Variants in SNX29 observed in about 807,000 individuals in gnomAD.
The protein encoded by SNX29 is sorting nexin-29.
A neutral mutation model predicts 102.1 loss-of-function variants in SNX29; 78 were observed. The ratio of observed to expected loss-of-function variants is 0.76; its 90% CI spans 0.64 to 0.92. The LOEUF is 0.92. Ranked by LOEUF, SNX29 falls within the 40% of genes least tolerant of loss-of-function variation. SNX29 has a pLI of 0.00. For synonymous variants in SNX29, 580 were observed against 414.5 expected, an observed-to-expected ratio of 1.40 and a Z score of -4.85; for missense variants, 1,280 against 1,061.7, an observed-to-expected ratio of 1.21 and a Z score of -2.86.
chr16:12,563,629 T>G (rs939329370), intron 20 of SNX29, among the ~76,000 whole-genome samples: 1 of 152,070 alleles, frequency 6.6e-6, no homozygotes, highest in African/African-American at 2.4e-5. Flanking sequence ...GAGACTGTCC[T>G]GGCCCCAGAA....
intron 19 of SNX29, among the ~76,000 whole-genome samples, chr16:12,520,229 T>C (rs2090045713): frequency 6.6e-6 from 1 of 152,158 alleles, no homozygotes; most frequent in Non-Finnish European, 1.5e-5. Flanking sequence ...CACCTGCCCC[T>C]GCACCCAGGT....
At chr16:12,482,210 G>A (rs1246754986) in intron 19 of SNX29, among the ~76,000 whole-genome samples, 1 of 152,222 alleles carries the variant, frequency 6.6e-6, no homozygotes, top group Non-Finnish European at 1.5e-5. Flanking sequence ...CTGGACCATT[G>A]TGGCACACGT....
chr16:12,318,761 A>G (rs565822987), intron 15 of SNX29, among the ~76,000 whole-genome samples: 13 of 151,932 alleles, frequency 8.6e-5, no homozygotes, highest in African/African-American at 3.1e-4. Flanking sequence ...CTGCAGACCA[A>G]CTCAAAATTA....
intron 10 of SNX29, among the ~76,000 whole-genome samples, chr16:12,075,422 G>A (rs917198294): frequency 1.3e-5 from 2 of 152,194 alleles, no homozygotes; most frequent in African/African-American, 4.8e-5. Context: ...GTTTGCTAGA[G>A]GTCCACTCCA....
intron 16 of SNX29, among the ~76,000 whole-genome samples, chr16:12,386,545 A>G (rs915436767): frequency 1.3e-5 from 2 of 152,196 alleles, no homozygotes; most frequent in Non-Finnish European, 2.9e-5. Context: ...GCCAACCAGA[A>G]TACTGTCCCA....
In SNX29 at chr16:12,061,565, A is replaced by T; in HGVS notation, c.1162A>T (p.Ser388Cys). Residue 388 changes from serine to cysteine, a missense_variant, in exon 9 of 21, where the codon AGC (serine) becomes TGC (cysteine). By Grantham distance (112) the Ser-to-Cys change is moderately radical. Transcript: ENST00000566228. ...EGNTCLSQMH[S>C]WAPLKVLHND... ...GAACACCTGCCTCTCCCAGATGCAC[A>T]GCTGGGCTCCGCTGAAGGTGCTGCA... is the stretch of plus-strand genomic sequence containing the variant. 6.2e-7 allele frequency: 1 copy of T among 1,610,494 alleles called. No homozygotes were observed. The highest frequency in any genetic ancestry group is 8.5e-7 in the Non-Finnish European group (1 of 1,178,808).
At chr16:12,421,159 C>T (rs2084857616) in intron 18 of SNX29, among the ~76,000 whole-genome samples, 1 of 152,194 alleles carries the variant, frequency 6.6e-6, no homozygotes, top group Admixed American at 6.5e-5. Context: ...CTCTGATCCA[C>T]AATCTTTCGA....
chr16:12,537,368 C>T (rs534803504), intron 20 of SNX29, among the ~76,000 whole-genome samples: 1 of 152,230 alleles, frequency 6.6e-6, no homozygotes, highest in Admixed American at 6.5e-5. Context: ...CAACTTGGTG[C>T]ATGACAGAAA....
chr16:12,173,376 C>G (rs1284076703), intron 13 of SNX29, among the ~76,000 whole-genome samples: 1 of 152,180 alleles, frequency 6.6e-6, no homozygotes, highest in African/African-American at 2.4e-5. Context: ...GTGTGATCAG[C>G]TTTCACAAGC....
intron 15 of SNX29, among the ~76,000 whole-genome samples, chr16:12,315,866 G>A (rs1035104735): frequency 1.8e-4 from 28 of 152,216 alleles, no homozygotes; most frequent in African/African-American, 5.1e-4. Context: ...TGTCAATATT[G>A]TTATTAAATC....
chr16:12,189,575 G>T (rs1179858661), intron 13 of SNX29, among the ~76,000 whole-genome samples: 1 of 152,098 alleles, frequency 6.6e-6, no homozygotes, highest in Non-Finnish European at 1.5e-5. Flanking sequence ...TGTTAACTTT[G>T]ATCCTCTGAT....
chr16:12,294,294 T>C (rs1028778836), intron 15 of SNX29, among the ~76,000 whole-genome samples: 1 of 152,190 alleles, frequency 6.6e-6, no homozygotes, highest in Non-Finnish European at 1.5e-5. Context: ...AGGTGCCTGC[T>C]GTGATGGGGA....
intron 13 of SNX29, among the ~76,000 whole-genome samples, chr16:12,194,255 A>C (rs2076715506): frequency 6.6e-6 from 1 of 152,226 alleles, no homozygotes; most frequent in Non-Finnish European, 1.5e-5. Flanking sequence ...GTTATAAATG[A>C]TTCTTTTTAA....
At chr16:12,168,747 GTTA>G (rs1453965214) in intron 13 of SNX29, among the ~76,000 whole-genome samples, 1 of 152,232 alleles carries the variant, frequency 6.6e-6, no homozygotes, top group Non-Finnish European at 1.5e-5. Flanking sequence ...AACGTATTGA[GTTA>G]TTATTAGATC....
At chr16:12,541,344 C>T (rs916679898) in intron 20 of SNX29, among the ~76,000 whole-genome samples, 1 of 152,038 alleles carries the variant, frequency 6.6e-6, no homozygotes, top group Non-Finnish European at 1.5e-5. Flanking sequence ...GAATTACCTT[C>T]TTCATTCTTC....
chr16:12,289,224 C>G (rs1448712513), intron 15 of SNX29, among the ~76,000 whole-genome samples: 1 of 152,188 alleles, frequency 6.6e-6, no homozygotes, highest in African/African-American at 2.4e-5. Flanking sequence ...CCCATCTGTT[C>G]CTGTGTGCTG....
At chr16:12,538,054 G>GATCTTGGTGACAGCTTTCTTCTC (rs1211467671) in intron 20 of SNX29, among the ~76,000 whole-genome samples, 1 of 151,334 alleles carries the variant, frequency 6.6e-6, no homozygotes, top group East Asian at 1.9e-4. Context: ...AAGTATAATC[G>GATCTTGGTGACAGCTTTCTTCTC]ATCTTGGTGA....
intron 15 of SNX29, among the ~76,000 whole-genome samples, chr16:12,293,429 G>C (rs1257531719): frequency 6.6e-6 from 1 of 152,210 alleles, no homozygotes; most frequent in South Asian, 2.1e-4. Context: ...TGTTCAGACA[G>C]TGTGTTTGTT....
intron 20 of SNX29, among the ~76,000 whole-genome samples, chr16:12,564,345 GGAT>G (rs2078899572): frequency 6.6e-6 from 1 of 152,164 alleles, no homozygotes; most frequent in African/African-American, 2.4e-5. Context: ...AGTCATTTCA[GGAT>G]GTCAAAGGAG....
Sources: allele counts gnomAD v4.1 joint callset (sites outside exome capture counted in the v4.1 genomes callset), GRCh38; gene constraint gnomAD v4.1.1; transcripts MANE v1.5; gene names NCBI Gene and HGNC (gene_info 2026-07-23, HGNC 2026-07-21).